ZXDC: variants seen among roughly 807,000 people sequenced by gnomAD.
ZXDC encodes the protein ZXD family zinc finger C.
In ZXDC, 58 loss-of-function variants were observed where a neutral mutation model predicts 63.6. That is an observed-to-expected ratio of 0.91 (90% CI 0.74 to 1.13). The LOEUF (loss-of-function observed/expected upper bound fraction) is 1.13. Ranked by LOEUF, ZXDC falls within the 50% of genes most tolerant of loss-of-function variation. ZXDC has a pLI of 0.00. For missense variants in ZXDC, 1,133 were observed against 1,148.9 expected (o/e 0.99, Z 0.20); for synonymous variants, 561 against 496.1 (o/e 1.13, Z -1.74).
Position 126,459,757 on chromosome 3 carries a change from T to C in ZXDC, c.2128-20A>G, listed in dbSNP as rs1934449029. On this transcript the variant is annotated intron_variant, in intron 6 of 9. Transcript: ENST00000389709. The stretch of plus-strand genomic sequence containing the variant: ...ACTTTCCTGAGACCAAAGAAAAGCA[T>C]GTCAGTCACTTATCTAGACACAAAG... 1.9e-6 allele frequency: 3 copies of C among 1,614,148 alleles called. No homozygotes were observed. The highest frequency in any genetic ancestry group is 1.1e-5 in the South Asian group (1 of 91,082).
At chr3:126,454,739 G>A in intron 7 of ZXDC, 1 of 985,436 alleles carries the variant, frequency 1.0e-6, no homozygotes, top group Non-Finnish European at 1.2e-6. Context: ...CAGCAGAAAG[G>A]TATACATACC....
chr3:126,447,787 G>A (rs531933187), intron 7 of ZXDC, among the ~76,000 whole-genome samples: 3 of 152,320 alleles, frequency 2.0e-5, no homozygotes, highest in South Asian at 2.1e-4. Context: ...CGTCTCTTGC[G>A]GCATTTGCTG....
chr3:126,459,558 G>A, intron 7 of ZXDC, 95 bp downstream of exon 7: 1 of 1,580,936 alleles, frequency 6.3e-7, no homozygotes, highest in Non-Finnish European at 8.6e-7. Flanking sequence ...GTAAAACCAA[G>A]AGCACAGAAA....
At chr3:126,447,777 C>CG (rs1933937646) in intron 7 of ZXDC, among the ~76,000 whole-genome samples, 1 of 152,252 alleles carries the variant, frequency 6.6e-6, no homozygotes, top group African/African-American at 2.4e-5. Flanking sequence ...GGACCCTGCA[C>CG]GTCTCTTGCG....
chr3:126,440,837 C>T (rs1286997923), intron 8 of ZXDC: 2 of 986,450 alleles, frequency 2.0e-6, no homozygotes, highest in Non-Finnish European at 2.4e-6. Context: ...TGCCCCTCCT[C>T]TTGCCTCTCT....
At chr3:126,441,286 T>C (rs1312435442) in intron 8 of ZXDC, 1 of 989,124 alleles carries the variant, frequency 1.0e-6, no homozygotes, top group Non-Finnish European at 1.2e-6. Flanking sequence ...AGAAAAACAC[T>C]GAAAAGACCC....
intron 7 of ZXDC, chr3:126,454,053 T>C (rs2089200581): frequency 5.6e-6 from 4 of 716,834 alleles, no homozygotes; most frequent in Non-Finnish European, 5.0e-6. Flanking sequence ...GTACTACACA[T>C]ATATATATAT....
At chr3:126,471,127 A>G in intron 3 of ZXDC, 102 bp from the exon 4 acceptor site, 1 of 1,463,410 alleles carries the variant, frequency 6.8e-7, no homozygotes, top group East Asian at 2.5e-5. Context: ...TGCATTTACA[A>G]AAATGATCAG....
In ZXDC at chr3:126,461,935, G is replaced by A. The variant is rs772405197; in HGVS notation, c.1727C>T (p.Pro576Leu). 1 of 1,614,186 alleles carries A rather than the reference G, an allele frequency of 6.2e-7. No individual in the cohort carries two copies. The highest frequency in any genetic ancestry group is 8.5e-7 in the Non-Finnish European group (1 of 1,180,042). Residue 576 changes from proline (P) to leucine (L), a missense_variant, in exon 6 of 10, where the codon CCA (proline) becomes CTA (leucine). By Grantham distance (98) the Pro-to-Leu change is moderately conservative (BLOSUM62 -3). Transcript: ENST00000389709. ...LVLVAHSDIP[P>L]SLDSPLVLGT... ...GAGAACCAGAGGGCTGTCCAGGCTT[G>A]GGGGAATATCACTGTGGGCCACCAG...
intron 5 of ZXDC, among the ~76,000 whole-genome samples, chr3:126,465,387 C>T (rs1235955053): frequency 2.6e-5 from 4 of 152,244 alleles, no homozygotes; most frequent in Admixed American, 6.5e-5. Flanking sequence ...GGCACTCACA[C>T]ACTCAGCATT....
chr3:126,457,458 T>C, intron 7 of ZXDC: 1 of 985,398 alleles, frequency 1.0e-6, no homozygotes, highest in Non-Finnish European at 1.2e-6. Flanking sequence ...TTTTCAAGGA[T>C]GTGGGTGGCA....
At chr3:126,446,533 C>A (rs1933890335) in intron 7 of ZXDC, among the ~76,000 whole-genome samples, 1 of 152,168 alleles carries the variant, frequency 6.6e-6, no homozygotes. Flanking sequence ...AGCCAGGTGC[C>A]CCGAGAAAGG....
In ZXDC at chr3:126,447,583, A is replaced by G. The variant is rs142849495; in HGVS notation, c.2213-5637T>C. Among the ~76,000 whole-genome samples, 23 of 152,288 alleles carry G rather than the reference A, an allele frequency of 1.5e-4. No individual in the cohort carries two copies. In the East Asian group the frequency reaches 4.1e-3, roughly 27 times the overall value. On this transcript the variant is annotated intron_variant, in intron 7 of 9. Coordinates refer to ENST00000389709, the MANE Select transcript of ZXDC (RefSeq NM_025112.5). ...TAAAAGTGTCAAATAGATTGCGCCA[A>G]TGGTTTGGTTTACCATTCCTCCAGC...
At chr3:126,441,440 T>G in intron 8 of ZXDC, 1 of 1,139,482 alleles carries the variant, frequency 8.8e-7, no homozygotes, top group Non-Finnish European at 1.1e-6. Flanking sequence ...CTCATCCTGC[T>G]GCAAAACAGC....
intron 7 of ZXDC, chr3:126,458,919 T>A (rs1289786410): frequency 3.0e-6 from 3 of 984,222 alleles, no homozygotes; most frequent in Admixed American, 1.2e-4. Flanking sequence ...AAACCGGCAA[T>A]TGTTATTTAT....
intron 6 of ZXDC, chr3:126,460,337 T>G (rs1934476459): frequency 1.9e-6 from 1 of 537,992 alleles, no homozygotes; most frequent in African/African-American, 2.1e-5. Context: ...CTTATCGCTA[T>G]GAAGAGAAAA....
chr3:126,472,330 G>A, intron 1 of ZXDC, 25 bp from the exon 2 acceptor site: 1 of 1,592,566 alleles, frequency 6.3e-7, no homozygotes, highest in Non-Finnish European at 8.6e-7. Flanking sequence ...CACAAACCCT[G>A]CTCAAAGCGT....
chr3:126,439,557 T>C, intron 9 of ZXDC, 75 bp downstream of exon 9: 1 of 1,549,916 alleles, frequency 6.5e-7, no homozygotes, highest in East Asian at 2.4e-5. Flanking sequence ...CCTGCAGCTG[T>C]GAAGCCAGGC....
At position 126,461,584 on chromosome 3, in the gene ZXDC, T is replaced by G; in HGVS notation, c.2078A>C (p.His693Pro). 1 of 1,614,208 alleles carries G rather than the reference T, an allele frequency of 6.2e-7. No homozygotes were observed. Among genetic ancestry groups the G allele is most frequent in the Non-Finnish European group, 8.5e-7 (1 of 1,180,030 alleles). ...ACTGAGCTCTGTGTCCTGGGCACCGTGCTGCTCTGCTGGACTGGGCAACGT... is the reference window on the plus strand; with the variant it reads ...ACTGAGCTCTGTGTCCTGGGCACCGGGCTGCTCTGCTGGACTGGGCAACGT... ...QSTLPSPAEQ[H>P]GAQDTELSAG... Residue 693 changes from histidine to proline, a missense_variant, in exon 6 of 10, where the codon CAC becomes CCC. Transcript: ENST00000389709.
Sources: allele counts gnomAD v4.1 joint callset (sites outside exome capture counted in the v4.1 genomes callset), GRCh38; gene constraint gnomAD v4.1.1; transcripts MANE v1.5; gene names NCBI Gene and HGNC (gene_info 2026-07-23, HGNC 2026-07-21).